DIPK2B: variants seen among roughly 807,000 people sequenced by gnomAD.
The protein encoded by DIPK2B is divergent protein kinase domain 2B, also known as UPF0672 protein CXorf36.
In DIPK2B, 15 loss-of-function variants were observed where a neutral mutation model predicts 22.2. That is an observed-to-expected ratio of 0.68 (90% CI 0.45 to 1.04). DIPK2B has a LOEUF of 1.04. Ranked by LOEUF, DIPK2B falls within the 50% of genes least tolerant of loss-of-function variation. DIPK2B has a pLI of 0.00. For missense variants in DIPK2B, 345 were observed against 348.3 expected (o/e 0.99, Z 0.08); for synonymous variants, 163 against 153.2 (o/e 1.06, Z -0.47).
chrX:45,159,219 T>A (rs2047010884), intron 2 of DIPK2B, among the ~76,000 whole-genome samples: 1 of 111,593 alleles, frequency 9.0e-6, no homozygotes, highest in Non-Finnish European at 1.9e-5. Flanking sequence ...CTGGGAGAGA[T>A]AGGACACTAA....
intron 2 of DIPK2B, among the ~76,000 whole-genome samples, chrX:45,168,125 T>C (rs1298563357): frequency 8.9e-6 from 1 of 112,833 alleles, no homozygotes; most frequent in Non-Finnish European, 1.9e-5. Context: ...TCTAAGTAGA[T>C]AGCTCCCAAA....
At position 45,151,943 on chromosome X, in the gene DIPK2B, G is replaced by A. The variant is rs1159288157; in HGVS notation, c.1011C>T (p.Cys337=). ...RAGENKDIFS[C]LVSGCQAQLP... ...GCTGGGCCTGGCAGCCGGAAACCAG[G>A]CAGCTAAAAATGTCTTTATTCTCTC... The change falls in exon 5 of 5, where the codon TGC becomes TGT. Residue 337 remains cysteine, a synonymous_variant. Transcript: ENST00000398000. 2 of 1,195,987 alleles carry A rather than the reference G, an allele frequency of 1.7e-6. No individual in the cohort carries two copies. Among genetic ancestry groups the A allele is most frequent in the East Asian group, 3.0e-5 (1 of 33,114 alleles).
intron 2 of DIPK2B, chrX:45,162,410 C>G: frequency 1.1e-5 from 8 of 754,518 alleles, no homozygotes; most frequent in Non-Finnish European, 1.3e-5. Context: ...GTAGCAGGAA[C>G]AGGCTTAAGA....
At chrX:45,185,008 TA>T (rs2148347306) in intron 2 of DIPK2B, among the ~76,000 whole-genome samples, 1 of 112,179 alleles carries the variant, frequency 8.9e-6, no homozygotes, top group South Asian at 3.7e-4. Flanking sequence ...ATTTCTACTT[TA>T]AAAAATGTAT....
intron 4 of DIPK2B, among the ~76,000 whole-genome samples, chrX:45,152,218 T>C (rs1305147767): frequency 9.0e-6 from 1 of 110,775 alleles, no homozygotes; most frequent in African/African-American, 3.3e-5. Context: ...ATTAGCTGGG[T>C]GTGGTGGCAT....
Position 45,154,123 on chromosome X carries a change from T to G in DIPK2B, c.748A>C (p.Thr250Pro). ...TCATAGAATTCCTGCAGCGGTCTGG[T>G]GCTGGTGCTGACGAGGAATCTGCCA... is the stretch of plus-strand genomic sequence containing the variant. ...SCGRFLVSTS[T>P]RPLQEFYDAP... Residue 250 changes from threonine to proline, a missense_variant, in exon 4 of 5, where the codon ACC becomes CCC. Physicochemically the swap from Thr to Pro is conservative, Grantham distance 38 (BLOSUM62 -1). Coordinates refer to ENST00000398000, the MANE Select transcript of DIPK2B (RefSeq NM_176819.4). The G allele has an allele frequency of 8.3e-7, 1 of 1,210,752 alleles. No individual in the cohort carries two copies. The highest frequency in any genetic ancestry group is 1.1e-6 in the Non-Finnish European group (1 of 895,261).
chrX:45,193,160 G>A lies in DIPK2B; in HGVS notation c.234-1145C>T, dbSNP rs147556340. On this transcript the variant is annotated intron_variant, in intron 1 of 4. Transcript: ENST00000398000. ...ATAGTCATTTATCCAGCTGTGTGCTGATATTTCCGTTAGGGAAGAATGTTA... is the reference window on the plus strand; with the variant it reads ...ATAGTCATTTATCCAGCTGTGTGCTAATATTTCCGTTAGGGAAGAATGTTA... Among the ~76,000 whole-genome samples, 279 of 112,494 alleles carry A rather than the reference G, an allele frequency of 2.5e-3. 1 individual carries two copies. Among genetic ancestry groups the A allele is most frequent in the African/African-American group, 8.4e-3 (261 of 30,984 alleles).
intron 2 of DIPK2B, among the ~76,000 whole-genome samples, chrX:45,173,915 T>C (rs1459752571): frequency 9.0e-6 from 1 of 111,360 alleles, no homozygotes; most frequent in African/African-American, 3.3e-5. Flanking sequence ...TTTCCCCCTC[T>C]TCACTGCCCT....
intron 2 of DIPK2B, chrX:45,162,818 C>T (rs2047028858): frequency 1.3e-6 from 1 of 752,476 alleles, no homozygotes; most frequent in African/African-American, 2.3e-5. Flanking sequence ...CTTGGGAAGC[C>T]AGCCAACCAG....
intron 2 of DIPK2B, among the ~76,000 whole-genome samples, chrX:45,175,858 A>G (rs2047115322): frequency 9.3e-6 from 1 of 107,448 alleles, no homozygotes; most frequent in East Asian, 3.0e-4. Context: ...GGAGGGTAGC[A>G]GGTGGCCAGG....
At chrX:45,195,755 G>A (rs1260546434) in intron 1 of DIPK2B, among the ~76,000 whole-genome samples, 1 of 111,192 alleles carries the variant, frequency 9.0e-6, no homozygotes, top group Non-Finnish European at 1.9e-5. Context: ...CTTCTTACAA[G>A]TTTGCTTTGG....
chrX:45,190,299 A>C (rs1459130448), intron 2 of DIPK2B, among the ~76,000 whole-genome samples: 1 of 112,005 alleles, frequency 8.9e-6, no homozygotes, highest in Non-Finnish European at 1.9e-5. Flanking sequence ...AAGTTAAAGA[A>C]TATCAGAGCT....
intron 2 of DIPK2B, among the ~76,000 whole-genome samples, chrX:45,177,553 C>T (rs2148343778): frequency 9.0e-6 from 1 of 110,575 alleles, no homozygotes; most frequent in South Asian, 4.0e-4. Flanking sequence ...TCCCCTTCCA[C>T]CATGAGTGGA....
chrX:45,156,710 AG>A (rs1176106140), intron 3 of DIPK2B, among the ~76,000 whole-genome samples: 1 of 111,384 alleles, frequency 9.0e-6, no homozygotes, highest in Non-Finnish European at 1.9e-5. Flanking sequence ...TAATATTCTC[AG>A]GGGGTGGCTG....
At chrX:45,152,839 G>A (rs186887885) in intron 4 of DIPK2B, among the ~76,000 whole-genome samples, 296 of 111,577 alleles carry the variant, frequency 2.7e-3, no homozygotes, top group African/African-American at 9.2e-3. Context: ...GCTGAGGCAG[G>A]AGAATCGCTT....
chrX:45,160,991 C>T (rs67230948), intron 2 of DIPK2B, among the ~76,000 whole-genome samples: 33,085 of 110,579 alleles, frequency 0.3, 4,352 homozygotes, highest in African/African-American at 0.5. Context: ...TGTGATAATG[C>T]GACTAGGTAC....
chrX:45,181,438 A>G lies in DIPK2B; in HGVS notation c.498+10313T>C, dbSNP rs777678189. Among the ~76,000 whole-genome samples the G allele has an allele frequency of 1.3e-4, 15 of 112,322 alleles. 1 individual carries two copies. In the South Asian group the frequency reaches 5.5e-3, roughly 41 times the overall value. ...AGAAGGATAAATCTGAGAGGCGTAC[A>G]CTACAGGACATCAAGGCTCACTATA... On this transcript the variant is annotated intron_variant, in intron 2 of 4. Transcript: ENST00000398000.
intron 3 of DIPK2B, 98 bp from the exon 4 acceptor site, chrX:45,154,296 T>TC: frequency 3.2e-6 from 2 of 617,803 alleles, no homozygotes; most frequent in African/African-American, 2.5e-5. Context: ...TCTATCTATC[T>TC]ATCTATCTAT....
At chrX:45,171,707 G>T (rs1375854644) in intron 2 of DIPK2B, among the ~76,000 whole-genome samples, 1 of 112,322 alleles carries the variant, frequency 8.9e-6, no homozygotes, top group Non-Finnish European at 1.9e-5. Context: ...ACCCCCTCCA[G>T]GCAGCTTTCC....
Sources: gnomAD v4.1 joint callset for allele counts (sites outside exome capture counted in the v4.1 genomes callset) on GRCh38, gnomAD v4.1.1 for gene constraint, MANE v1.5 for transcripts, NCBI Gene and HGNC (gene_info 2026-07-23, HGNC 2026-07-21) for gene names.